Variants in HDX observed in about 807,000 individuals in gnomAD.
HDX encodes the protein chromosome X open reading frame 43.
HDX carries 19 observed loss-of-function variants against 45.2 expected under a neutral mutation model. The observed-to-expected ratio is 0.42, with a 90% CI of 0.29 to 0.62. The LOEUF (loss-of-function observed/expected upper bound fraction) is 0.62. HDX is among the 20% of genes least tolerant of loss of function. The pLI, the probability that HDX is intolerant of heterozygous loss-of-function variation, is 0.20. For missense variants in HDX, 532 were observed against 493.9 expected (o/e 1.08, Z -0.73); for synonymous variants, 188 against 172.8 (o/e 1.09, Z -0.69).
intron 1 of HDX, among the ~76,000 whole-genome samples, chrX:84,499,448 A>G (rs765371471): frequency 1.2e-4 from 13 of 111,766 alleles, no homozygotes; most frequent in African/African-American, 1.3e-4. Context: ...AGTTTTCTCT[A>G]TTGGTCTATG....
chrX:84,401,547 C>T (rs768671824), intron 5 of HDX, among the ~76,000 whole-genome samples: 4 of 111,465 alleles, frequency 3.6e-5, no homozygotes, highest in Non-Finnish European at 7.5e-5. Flanking sequence ...ATACAAAAGT[C>T]AAGAAACAAC....
intron 2 of HDX, among the ~76,000 whole-genome samples, chrX:84,478,563 T>C (rs142355241): frequency 0.011 from 1,180 of 112,271 alleles, 23 homozygotes; most frequent in African/African-American, 0.037. Flanking sequence ...AATTTACTTA[T>C]AAGTATTCAT....
rs1434262673 is a variant in HDX at position 84,373,716 on chromosome X, T to C, written c.1306-12104A>G. Among the ~76,000 whole-genome samples the C allele has an allele frequency of 4.5e-5, 5 of 111,405 alleles. No homozygotes were observed. The South Asian group carries it at 1.5e-3, about 34-fold the overall frequency. On this transcript the variant is annotated intron_variant, in intron 5 of 10. Transcript: ENST00000373177. ...TTTGACAAAATTCAACAACTCTTCA[T>C]GCTAAAAACTCTCAATAAATTAGGT...
chrX:84,449,030 T>G (rs1175779239), intron 4 of HDX, among the ~76,000 whole-genome samples: 1 of 107,452 alleles, frequency 9.3e-6, no homozygotes, highest in African/African-American at 3.4e-5. Flanking sequence ...AAAAATATAT[T>G]CAAACTTCAA....
chrX:84,405,016 T>C (rs1331023107), intron 5 of HDX, among the ~76,000 whole-genome samples: 2 of 111,321 alleles, frequency 1.8e-5, no homozygotes, highest in African/African-American at 6.5e-5. Flanking sequence ...ATTTTACCAG[T>C]ACTGATTTTC....
chrX:84,458,292 A>C (rs1202040855), intron 4 of HDX, among the ~76,000 whole-genome samples: 1 of 111,256 alleles, frequency 9.0e-6, no homozygotes, highest in African/African-American at 3.3e-5. Context: ...TCAAAAAAAA[A>C]ATCCACAAAA....
At chrX:84,431,136 T>A (rs192821487) in intron 5 of HDX, among the ~76,000 whole-genome samples, 435 of 111,189 alleles carry the variant, frequency 3.9e-3, no homozygotes, top group African/African-American at 0.014. Flanking sequence ...TTTCTGTTCC[T>A]GTGTTAGTTC....
chrX:84,411,493 T>C (rs1159952079), intron 5 of HDX, among the ~76,000 whole-genome samples: 1 of 112,055 alleles, frequency 8.9e-6, no homozygotes, highest in Non-Finnish European at 1.9e-5. Context: ...TTTGTATTGA[T>C]TTCTAATTTT....
Position 84,469,565 on chromosome X carries a change from C to A in HDX, c.158G>T (p.Gly53Val). ...ACTACTCATCTTTCTTCTCTTATTG[C>A]CAACCCACGTCTGGAAGGATAAAAC... Reference protein sequence around the residue: ...LDFSVVRTWVGNKRRKMSSKN... With the variant: ...LDFSVVRTWVVNKRRKMSSKN... The change falls in exon 4 of 11, where the codon GGC becomes GTC. Residue 53 changes from glycine (G) to valine (V), a missense_variant. Gly to Val is a moderately radical substitution (Grantham distance 109). Transcript: ENST00000373177. 1 of 1,179,584 alleles carries A rather than the reference C, an allele frequency of 8.5e-7. No homozygotes were observed. Among genetic ancestry groups the A allele is most frequent in the South Asian group, 2.0e-5 (1 of 51,124 alleles).
At chrX:84,467,341 T>C (rs1280024217) in intron 4 of HDX, among the ~76,000 whole-genome samples, 1 of 111,146 alleles carries the variant, frequency 9.0e-6, no homozygotes, top group African/African-American at 3.3e-5. Flanking sequence ...GGATAGAAAG[T>C]GCTAGGCTGG....
chrX:84,358,675 A>T lies in HDX; in HGVS notation c.1452+2791T>A, dbSNP rs2037545704. On this transcript the variant is annotated intron_variant, in intron 6 of 10. Transcript: ENST00000373177. Reference sequence around the variant, plus strand: ...GGGCAGTACTTATTTTGAGAATAGTATTTATTTTCAGAAATCTCTACTCAA... The same window carrying T: ...GGGCAGTACTTATTTTGAGAATAGTTTTTATTTTCAGAAATCTCTACTCAA... Among the ~76,000 whole-genome samples the T allele has an allele frequency of 1.8e-5, 2 of 112,077 alleles. 1 individual carries two copies. The highest frequency in any genetic ancestry group is 1.9e-4 in the Admixed American group (2 of 10,572).
chrX:84,319,109 G>A lies in HDX; in HGVS notation c.*2780C>T, dbSNP rs1330668397. The A allele has an allele frequency of 5.4e-5, 6 of 110,640 alleles. No homozygotes were observed. The highest frequency in any genetic ancestry group is 1.6e-4 in the African/African-American group (5 of 30,630). The allele number at this position is 110,640 out of a possible 1,213,427, so 9.1% of individuals were successfully genotyped here. A position where few individuals can be genotyped will look rare whatever the true frequency, so the allele number is the denominator to read the frequency against. ...CTAAGCTTAAAGCAGACATAGAAAT[G>A]TAGTTGAAAGAAAAAAAGAAGTTTT... On this transcript the variant is annotated 3_prime_UTR_variant, in exon 11 of 11. Transcript: ENST00000373177.
At chrX:84,471,256 G>GATAC (rs2040451222) in intron 3 of HDX, among the ~76,000 whole-genome samples, 2 of 106,863 alleles carry the variant, frequency 1.9e-5, no homozygotes, top group Non-Finnish European at 3.9e-5. Context: ...TAGATAGATA[G>GATAC]ATAGATAGAT....
intron 9 of HDX, among the ~76,000 whole-genome samples, chrX:84,329,328 A>G (rs2036792941): frequency 9.0e-6 from 1 of 111,597 alleles, no homozygotes. Context: ...GGGTCTTACA[A>G]TTTTATTTTT....
At chrX:84,371,919 C>T (rs1355007447) in intron 5 of HDX, among the ~76,000 whole-genome samples, 1 of 111,833 alleles carries the variant, frequency 8.9e-6, no homozygotes, top group East Asian at 2.8e-4. Flanking sequence ...TGTTAACTTC[C>T]TACAGTGATT....
At chrX:84,373,819 A>G (rs1426868843) in intron 5 of HDX, among the ~76,000 whole-genome samples, 1 of 111,236 alleles carries the variant, frequency 9.0e-6, no homozygotes, top group Non-Finnish European at 1.9e-5. Flanking sequence ...TTGTGCAAAA[A>G]CTGGAAGCAT....
chrX:84,488,939 G>T (rs763826883), intron 1 of HDX, among the ~76,000 whole-genome samples: 2 of 111,214 alleles, frequency 1.8e-5, no homozygotes, highest in African/African-American at 6.5e-5. Context: ...GTCTGTCATC[G>T]TTTGTCATGC....
chrX:84,383,905 T>C (rs1458809269), intron 5 of HDX, among the ~76,000 whole-genome samples: 1 of 111,817 alleles, frequency 8.9e-6, no homozygotes, highest in African/African-American at 3.3e-5. Context: ...GCCTCCATAG[T>C]ATTCCATGGT....
chrX:84,406,478 AC>A (rs2038825669), intron 5 of HDX, among the ~76,000 whole-genome samples: 4 of 77,021 alleles, frequency 5.2e-5, no homozygotes, highest in Non-Finnish European at 1.0e-4. Context: ...ATACACACAC[AC>A]ACACACACAC....
Sources: gnomAD v4.1 joint callset for allele counts (sites outside exome capture counted in the v4.1 genomes callset) on GRCh38, gnomAD v4.1.1 for gene constraint, MANE v1.5 for transcripts, NCBI Gene and HGNC (gene_info 2026-07-23, HGNC 2026-07-21) for gene names.